ZNF292: variants seen among roughly 807,000 people sequenced by gnomAD.
ZNF292 encodes the protein 16 zinc-finger domain protein.
In ZNF292, 26 loss-of-function variants were observed where a neutral mutation model predicts 217.9. The ratio of observed to expected loss-of-function variants is 0.12; its 90% confidence interval spans 0.09 to 0.17. The LOEUF (loss-of-function observed/expected upper bound fraction) is 0.17, where lower values mean the gene tolerates loss of function less well. ZNF292 is among the 10% of genes least tolerant of loss of function. The probability of loss-of-function intolerance (pLI) is 1.00; values close to 1 mark genes in which losing one functional copy is unlikely to be tolerated. For synonymous variants in ZNF292, 1,257 were observed against 1,124.1 expected (o/e 1.12, Z -2.37); for missense variants, 2,904 against 3,175.2 (o/e 0.91, Z 2.05).
intron 1 of ZNF292, among the ~76,000 whole-genome samples, chr6:87,198,730 T>C (rs1445062391): frequency 4.6e-5 from 7 of 152,222 alleles, no homozygotes; most frequent in Admixed American, 4.6e-4. Flanking sequence ...AAAAAGAATA[T>C]GGTGCATATA....
intron 1 of ZNF292, among the ~76,000 whole-genome samples, chr6:87,188,888 A>G (rs1771742064): frequency 6.6e-6 from 1 of 152,074 alleles, no homozygotes; most frequent in Non-Finnish European, 1.5e-5. Flanking sequence ...TTGAAAATGA[A>G]CATAATAATG....
At chr6:87,231,902 T>C (rs1773676749) in intron 4 of ZNF292, among the ~76,000 whole-genome samples, 1 of 152,202 alleles carries the variant, frequency 6.6e-6, no homozygotes, top group African/African-American at 2.4e-5. Flanking sequence ...AATAACTTTA[T>C]TATAACTTTG....
intron 1 of ZNF292, among the ~76,000 whole-genome samples, chr6:87,193,763 T>C (rs1771884074): frequency 6.6e-6 from 1 of 152,204 alleles, no homozygotes; most frequent in African/African-American, 2.4e-5. Flanking sequence ...TCAGGCTAAG[T>C]GTAGAGTTTA....
chr6:87,261,782 C>T lies in ZNF292; in HGVS notation c.8153C>T (p.Thr2718Ile). 1 of 1,611,026 alleles carries T rather than the reference C, an allele frequency of 6.2e-7. No individual in the cohort carries two copies. ...AAAGATATCAGTATAGGTAAAGCCA[C>T]AGGCAGAGGTCAGTACTGATAATTA... ...VMKDISIGKATGRGQY is the reference protein window; with the variant it reads ...VMKDISIGKAIGRGQY Residue 2718 changes from threonine to isoleucine, a missense_variant, in exon 8 of 8, where the codon ACA becomes ATA. Coordinates refer to ENST00000369577, the MANE Select transcript of ZNF292 (RefSeq NM_015021.3).
chr6:87,157,929 C>T (rs1036578915), intron 1 of ZNF292, among the ~76,000 whole-genome samples: 1 of 152,154 alleles, frequency 6.6e-6, no homozygotes, highest in Non-Finnish European at 1.5e-5. Context: ...AACTGCTGGT[C>T]TCGAACTGCT....
chr6:87,239,079 C>CT (rs1774062945), intron 5 of ZNF292, among the ~76,000 whole-genome samples: 1 of 152,260 alleles, frequency 6.6e-6, no homozygotes, highest in African/African-American at 2.4e-5. Flanking sequence ...ATGTCTACTT[C>CT]TTTCTACACA....
rs1435443498 is a variant in ZNF292 at position 87,260,199 on chromosome 6, A to G, written c.6570A>G (p.Ile2190Met). 4 of 1,613,446 alleles carry G rather than the reference A, an allele frequency of 2.5e-6. No homozygotes were observed. Among genetic ancestry groups the G allele is most frequent in the Non-Finnish European group, 3.4e-6 (4 of 1,179,576 alleles). Residue 2190 changes from isoleucine to methionine, a missense_variant, in exon 8 of 8, where the codon ATA becomes ATG. By Grantham distance (10) the Ile-to-Met change is conservative. Around this residue, in one of 15 missense-constraint regions of ZNF292, gnomAD observed 261 missense variants for 272.8 expected, o/e 0.96. Coordinates refer to ENST00000369577, the MANE Select transcript of ZNF292 (RefSeq NM_015021.3). The part of the protein sequence containing the change: ...SRIFQAITGL[I>M]QHYMKLHEMT... ...TTTTCCAAGCAATTACTGGCCTAAT[A>G]CAACACTACATGAAACTTCATGAAA... is the stretch of plus-strand genomic sequence containing the variant.
At chr6:87,178,239 C>G (rs1173405789) in intron 1 of ZNF292, among the ~76,000 whole-genome samples, 1 of 151,952 alleles carries the variant, frequency 6.6e-6, no homozygotes, top group East Asian at 1.9e-4. Context: ...TCTTCTACCT[C>G]CCAAGCTGGT....
intron 1 of ZNF292, among the ~76,000 whole-genome samples, chr6:87,168,964 C>G (rs1031902655): frequency 1.3e-5 from 2 of 151,924 alleles, no homozygotes; most frequent in Non-Finnish European, 2.9e-5. Flanking sequence ...TCTGTAGATG[C>G]TATGTAAATA....
In ZNF292 at chr6:87,261,124, A is replaced by G. The variant is rs1234038531; in HGVS notation, c.7495A>G (p.Ser2499Gly). The G allele has an allele frequency of 1.2e-6, 2 of 1,612,798 alleles. No homozygotes were observed. Among genetic ancestry groups the G allele is most frequent in the African/African-American group, 1.3e-5 (1 of 75,014 alleles). The change falls in exon 8 of 8, where the codon AGT becomes GGT. Residue 2499 changes from serine (S) to glycine (G), a missense_variant. By Grantham distance (56) the Ser-to-Gly change is moderately conservative. Coordinates refer to ENST00000369577, the MANE Select transcript of ZNF292 (RefSeq NM_015021.3). ...ITKLINEDSTSVETQANTSSN... is the reference protein window; with the variant it reads ...ITKLINEDSTGVETQANTSSN... ...AAAATTAATAAATGAAGATAGCACA[A>G]GTGTAGAGACCCAAGCTAATACTTC...
Position 87,157,356 on chromosome 6 carries a change from C to T in ZNF292, c.168+1597C>T, listed in dbSNP as rs182352633. On this transcript the variant is annotated intron_variant, in intron 1 of 7. Coordinates refer to ENST00000369577, the MANE Select transcript of ZNF292 (RefSeq NM_015021.3). ...CTCAGTTTCTCTACTTTGCAGTACC[C>T]ACTCATTCTTAATTGGTCTTTAAAG... is the stretch of plus-strand genomic sequence containing the variant. 2.7e-3 allele frequency among the ~76,000 whole-genome samples: 413 copies of T among 152,248 alleles called. 10 individuals are homozygous for T. The highest frequency in any genetic ancestry group is 7.9e-4 in the Non-Finnish European group (54 of 68,018).
At chr6:87,216,147 ACACACACAC>A (rs1772759959) in intron 2 of ZNF292, 90 bp downstream of exon 2, 2 of 1,201,832 alleles carry the variant, frequency 1.7e-6, no homozygotes, top group African/African-American at 1.6e-5. Context: ...ACACACACAC[ACACACACAC>A]AACATTAAAT....
rs200254331 is a variant in ZNF292 at position 87,259,931 on chromosome 6, C to T, written c.6302C>T (p.Ser2101Phe). 4.9e-4 allele frequency: 787 copies of T among 1,613,532 alleles called. 1 individual carries two copies. The highest frequency in any genetic ancestry group is 6.2e-4 in the Non-Finnish European group (726 of 1,179,706). Reference sequence around the variant, plus strand: ...AAACGAAAGAAGCCAGTTTCCCAATCCCTTGAGTTTCCAACAAGATACAGT... The same window carrying T: ...AAACGAAAGAAGCCAGTTTCCCAATTCCTTGAGTTTCCAACAAGATACAGT... ...EKKRKKPVSQ[S>F]LEFPTRYSPY... Residue 2101 changes from serine to phenylalanine, a missense_variant, in exon 8 of 8, where the codon TCC (serine) becomes TTC (phenylalanine). Ser to Phe is a radical substitution (Grantham distance 155). Around this residue, in one of 15 missense-constraint regions of ZNF292, gnomAD observed 261 missense variants for 272.8 expected, o/e 0.96. Coordinates refer to ENST00000369577, the MANE Select transcript of ZNF292 (RefSeq NM_015021.3).
chr6:87,157,601 G>C (rs751795563), intron 1 of ZNF292, among the ~76,000 whole-genome samples: 1 of 152,060 alleles, frequency 6.6e-6, no homozygotes, highest in Non-Finnish European at 1.5e-5. Flanking sequence ...TAATAATTCT[G>C]GGAAAATAGA....
intron 7 of ZNF292, among the ~76,000 whole-genome samples, chr6:87,249,152 A>C (rs1391622813): frequency 6.6e-6 from 1 of 152,118 alleles, no homozygotes; most frequent in Non-Finnish European, 1.5e-5. Context: ...TTTTTGAGAG[A>C]GTCTTCCTCT....
intron 1 of ZNF292, among the ~76,000 whole-genome samples, chr6:87,214,103 G>A (rs1772621734): frequency 6.6e-6 from 1 of 152,186 alleles, no homozygotes; most frequent in Non-Finnish European, 1.5e-5. Flanking sequence ...ATGTATAATA[G>A]TGACATGATT....
chr6:87,182,310 A>G (rs1276276886), intron 1 of ZNF292, among the ~76,000 whole-genome samples: 1 of 152,264 alleles, frequency 6.6e-6, no homozygotes, highest in Non-Finnish European at 1.5e-5. Flanking sequence ...AATTTAAACA[A>G]GAAACATCAA....
intron 6 of ZNF292, among the ~76,000 whole-genome samples, chr6:87,245,074 C>T (rs1039252982): frequency 2.0e-5 from 3 of 152,084 alleles, no homozygotes; most frequent in Non-Finnish European, 4.4e-5. Context: ...AACCCCATCT[C>T]TACTAAAAAT....
rs565914075 is a variant in ZNF292, at chr6:87,238,796, G to A, written c.742-4679G>A. ...TCAGCAGATAAACAAGTGAACAAAGGTCTCTGGTTTTCCTAGGCAGAGGAC... is the reference window on the plus strand; with the variant it reads ...TCAGCAGATAAACAAGTGAACAAAGATCTCTGGTTTTCCTAGGCAGAGGAC... On this transcript the variant is annotated intron_variant, in intron 5 of 7. Transcript: ENST00000369577. 9.1e-3 allele frequency among the ~76,000 whole-genome samples: 1,381 copies of A among 151,674 alleles called. 6 individuals carry two copies. The highest frequency in any genetic ancestry group is 0.013 in the Non-Finnish European group (873 of 67,912).
Sources: gnomAD v4.1 joint callset for allele counts (sites outside exome capture counted in the v4.1 genomes callset) on GRCh38, gnomAD v4.1.1 for gene constraint, gnomAD v4.1.1 regional missense constraint, MANE v1.5 for transcripts, NCBI Gene and HGNC (gene_info 2026-07-23, HGNC 2026-07-21) for gene names.